Variants in MTA1 observed in about 807,000 individuals in gnomAD.
MTA1 encodes the protein metastasis associated 1, also known as metastasis-associated protein MTA1.
A neutral mutation model predicts 97.0 loss-of-function variants in MTA1; 15 were observed. The ratio of observed to expected loss-of-function variants is 0.15; its 90% CI spans 0.10 to 0.24. The LOEUF (loss-of-function observed/expected upper bound fraction) is 0.24. Ranked by LOEUF, MTA1 falls within the 10% of genes least tolerant of loss-of-function variation. The probability of loss-of-function intolerance (pLI) is 1.00; values close to 1 mark genes in which losing one functional copy is unlikely to be tolerated. For missense variants in MTA1, 709 were observed against 1,015.1 expected, an observed-to-expected ratio of 0.70 and a Z score of 4.10; for synonymous variants, 435 against 417.5, an observed-to-expected ratio of 1.04 and a Z score of -0.51.
intron 15 of MTA1, 45 bp downstream of exon 15, chr14:105,464,908 G>A (rs782071710): frequency 7.9e-6 from 12 of 1,516,770 alleles, no homozygotes; most frequent in Non-Finnish European, 1.1e-5. Flanking sequence ...TGCGGGTGGT[G>A]GGGAGAGAGC....
intron 1 of MTA1, among the ~76,000 whole-genome samples, chr14:105,429,799 C>T (rs1340023722): frequency 1.7e-5 from 2 of 114,458 alleles, no homozygotes; most frequent in Non-Finnish European, 3.3e-5. Flanking sequence ...CTCTGTCATT[C>T]AGGCTGGAGT....
intron 6 of MTA1, among the ~76,000 whole-genome samples, chr14:105,450,665 CTGGTCTCTCCTGGGCGGTGGG>C (rs2082891965): frequency 6.6e-6 from 1 of 152,154 alleles, no homozygotes; most frequent in Admixed American, 6.5e-5. Flanking sequence ...GGAGTCTTGG[CTGGTCTCTCCTGGGCGGTGGG>C]CAGAGTCCTG....
chr14:105,464,367 C>T (rs782554610), intron 13 of MTA1, 49 bp from the exon 14 acceptor site: 59 of 1,603,292 alleles, frequency 3.7e-5, no homozygotes, highest in Non-Finnish European at 4.6e-5. Context: ...ACTCTGACAT[C>T]GCTGGTTCTG....
intron 3 of MTA1, among the ~76,000 whole-genome samples, chr14:105,446,530 TG>T (rs2082724276): frequency 6.6e-6 from 1 of 152,142 alleles, no homozygotes; most frequent in Non-Finnish European, 1.5e-5. Context: ...CCCAGCGCTG[TG>T]GGTGAGGGGC....
At chr14:105,453,691 A>G (rs1483330223) in intron 6 of MTA1, among the ~76,000 whole-genome samples, 1 of 152,058 alleles carries the variant, frequency 6.6e-6, no homozygotes, top group Non-Finnish European at 1.5e-5. Flanking sequence ...GGCACCTGTA[A>G]TCCCAGCTAC....
rs146474114 is a variant in MTA1, at chr14:105,450,319, C to T, written c.427C>T (p.Arg143Trp). The change falls in exon 6 of 21, where the codon CGG becomes TGG. Residue 143 changes from arginine (R) to tryptophan (W), a missense_variant. Physicochemically the swap from Arg to Trp is moderately radical, Grantham distance 101. Around this residue, in one of 2 missense-constraint regions of MTA1, gnomAD observed 321 missense variants for 593.5 expected, o/e 0.54. Coordinates refer to ENST00000331320, the MANE Select transcript of MTA1 (RefSeq NM_004689.4). ...CGAGTCGCTCAAGTCCTACCTGGAG[C>T]GGGAGGTGAGGCCCAGCCCGGCCTG... ...ETESLKSYLE[R>W]EDFFFYSLVY... The T allele has an allele frequency of 3.7e-6, 6 of 1,602,656 alleles. No individual in the cohort carries two copies. The highest frequency in any genetic ancestry group is 1.3e-5 in the African/African-American group (1 of 74,838).
At chr14:105,438,310 G>T (rs2082393841) in intron 1 of MTA1, among the ~76,000 whole-genome samples, 1 of 152,170 alleles carries the variant, frequency 6.6e-6, no homozygotes, top group African/African-American at 2.4e-5. Flanking sequence ...GGCAGTGCTG[G>T]AGCTGGGCTT....
chr14:105,438,693 C>A lies in MTA1; in HGVS notation c.50C>A (p.Ser17Tyr), dbSNP rs1555424969. 4 of 1,613,374 alleles carry A rather than the reference C, an allele frequency of 2.5e-6. No homozygotes were observed. The highest frequency in any genetic ancestry group is 1.7e-6 in the Non-Finnish European group (2 of 1,179,890). ...GCAGACTACGTCTACTTTGAGAACT[C>A]CTCCAGCAACCCATACCTGATCCGG... ...RVGDYVYFEN[S>Y]SSNPYLIRRI... is the part of the protein sequence containing the mutation. Residue 17 changes from serine (S) to tyrosine (Y), a missense_variant, in exon 2 of 21, where the codon TCC (serine) becomes TAC (tyrosine). Ser to Tyr is a moderately radical substitution (Grantham distance 144). Around this residue, in one of 2 missense-constraint regions of MTA1, gnomAD observed 321 missense variants for 593.5 expected, o/e 0.54. Coordinates refer to ENST00000331320, the MANE Select transcript of MTA1 (RefSeq NM_004689.4).
chr14:105,438,630 C>T (rs782506419), intron 1 of MTA1, 42 bp from the exon 2 acceptor site: 1 of 1,598,674 alleles, frequency 6.3e-7, no homozygotes, highest in Non-Finnish European at 8.6e-7. Flanking sequence ...TGGGTCTGGC[C>T]TTTGGTGCCA....
chr14:105,470,079 T>G lies in MTA1; in HGVS notation c.2012T>G (p.Leu671Arg). The change falls in exon 21 of 21, where the codon CTG becomes CGG. Residue 671 changes from leucine to arginine, a missense_variant. Around this residue, in one of 2 missense-constraint regions of MTA1, gnomAD observed 388 missense variants for 421.6 expected, o/e 0.92. Coordinates refer to ENST00000331320, the MANE Select transcript of MTA1 (RefSeq NM_004689.4). The part of the protein sequence containing the change: ...ATEETRKIRK[L>R]LSSSETKRAA... ...TCTGCCCACAGGAAGATCCGCAAGC[T>G]GCTCTCATCCTCGGAAACCAAGCGT... The G allele has an allele frequency of 6.2e-7, 1 of 1,612,604 alleles. No individual in the cohort carries two copies. The highest frequency in any genetic ancestry group is 8.5e-7 in the Non-Finnish European group (1 of 1,179,868).
chr14:105,451,394 G>A (rs918091204), intron 6 of MTA1, among the ~76,000 whole-genome samples: 1 of 152,240 alleles, frequency 6.6e-6, no homozygotes, highest in African/African-American at 2.4e-5. Context: ...GCCTGGGGTC[G>A]TAACACATGC....
At chr14:105,442,474 T>C (rs1384627961) in intron 2 of MTA1, among the ~76,000 whole-genome samples, 14 of 152,194 alleles carry the variant, frequency 9.2e-5, no homozygotes, top group African/African-American at 2.9e-4. Context: ...CTTTGGGAGC[T>C]CTGCTGCCGA....
In MTA1 at chr14:105,460,339, G is replaced by A; in HGVS notation, c.654-19G>A. 1 of 1,598,508 alleles carries A rather than the reference G, an allele frequency of 6.3e-7. No homozygotes were observed. On this transcript the variant is annotated intron_variant, in intron 8 of 20. Coordinates refer to ENST00000331320, the MANE Select transcript of MTA1 (RefSeq NM_004689.4). ...CCCTGCTTGGCCGACACTGTGGTCA[G>A]CGCATCTCCTTTCCCCAGCTCTGTG...
chr14:105,468,447 G>A (rs587628140), intron 18 of MTA1: 1 of 1,157,948 alleles, frequency 8.6e-7, no homozygotes, highest in East Asian at 5.9e-5. Flanking sequence ...GAGCGCCGCA[G>A]ATCAGGCACC....
chr14:105,437,728 G>A (rs1394241349), intron 1 of MTA1, among the ~76,000 whole-genome samples: 1 of 152,236 alleles, frequency 6.6e-6, no homozygotes, highest in Non-Finnish European at 1.5e-5. Flanking sequence ...CTCCTGCTCA[G>A]TCCCCCCTGC....
rs587623493 is a variant in MTA1, at chr14:105,463,879, T to C, written c.1077-153T>C. 2.6e-6 allele frequency: 2 copies of C among 760,266 alleles called. No homozygotes were observed. Among genetic ancestry groups the C allele is most frequent in the African/African-American group, 1.8e-5 (1 of 56,652 alleles). The allele number at this position is 760,266 out of a possible 1,614,324, so 47.1% of individuals were successfully genotyped here. The stretch of plus-strand genomic sequence containing the variant: ...GACCTCAGCAGTGGCTCCCAGGAAC[T>C]GAAAGGGGAGAAAGGAAGATCCCTG... On this transcript the variant is annotated intron_variant, in intron 12 of 20. Coordinates refer to ENST00000331320, the MANE Select transcript of MTA1 (RefSeq NM_004689.4). The surrounding 1 kb of genome is among the most constrained non-coding windows in gnomAD (Gnocchi z 5.9).
chr14:105,422,237 G>A lies in MTA1; in HGVS notation c.28+2174G>A, dbSNP rs927393145. On this transcript the variant is annotated intron_variant, in intron 1 of 20. Coordinates refer to ENST00000331320, the MANE Select transcript of MTA1 (RefSeq NM_004689.4). This position sits in a 1 kb window ranked among gnomAD's most constrained non-coding sequence, Gnocchi z 4.3. Reference sequence around the variant, plus strand: ...GCATTTATCCCTGGCTTCTGGACCGGAACCCTGGGTTCCGGCAGGACCCCG... The same window carrying A: ...GCATTTATCCCTGGCTTCTGGACCGAAACCCTGGGTTCCGGCAGGACCCCG... Among the ~76,000 whole-genome samples, 1 of 152,132 alleles carries A rather than the reference G, an allele frequency of 6.6e-6. No individual in the cohort carries two copies. The highest frequency in any genetic ancestry group is 1.5e-5 in the Non-Finnish European group (1 of 68,018).
At chr14:105,430,235 C>T (rs1555423117) in intron 1 of MTA1, among the ~76,000 whole-genome samples, 2 of 152,174 alleles carry the variant, frequency 1.3e-5, no homozygotes, top group African/African-American at 4.8e-5. Context: ...CTCAACTCTT[C>T]CCTTCACTGG....
In MTA1 at chr14:105,464,728, A is replaced by G; in HGVS notation, c.1399A>G (p.Thr467Ala). The G allele has an allele frequency of 6.2e-7, 1 of 1,609,150 alleles. No homozygotes were observed. The highest frequency in any genetic ancestry group is 8.5e-7 in the Non-Finnish European group (1 of 1,177,250). ...CGGGAGCCCCAAGTTTGCCATGAAG[A>G]CCAGGCAGGCTTTCTATCTGCACAC... ...SSGSPKFAMKTRQAFYLHTTK... is the reference protein window; with the variant it reads ...SSGSPKFAMKARQAFYLHTTK... The change falls in exon 15 of 21, where the codon ACC (threonine) becomes GCC (alanine). Residue 467 changes from threonine to alanine, a missense_variant. This residue lies in a region of MTA1 where 388 missense variants were observed against 421.6 expected (regional missense o/e 0.92). Coordinates refer to ENST00000331320, the MANE Select transcript of MTA1 (RefSeq NM_004689.4).
Sources: allele counts gnomAD v4.1 joint callset (sites outside exome capture counted in the v4.1 genomes callset), GRCh38; gene constraint gnomAD v4.1.1; regional missense constraint gnomAD v4.1.1; non-coding constraint Gnocchi (gnomAD v3.1); transcripts MANE v1.5; gene names NCBI Gene and HGNC (gene_info 2026-07-23, HGNC 2026-07-21).